TOMM70: variants seen among roughly 807,000 people sequenced by gnomAD.
The protein encoded by TOMM70 is translocase of outer mitochondrial membrane 70, also known as mitochondrial import receptor subunit TOM70.
In TOMM70, 13 loss-of-function variants were observed where a neutral mutation model predicts 73.6. The ratio of observed to expected loss-of-function variants is 0.18; its 90% CI spans 0.11 to 0.28. TOMM70 has a LOEUF of 0.28. Among genes scored for constraint, TOMM70 ranks in the 10% least tolerant of loss-of-function variants. The pLI is 1.00. For synonymous variants in TOMM70, 257 were observed against 271.2 expected, an observed-to-expected ratio of 0.95 and a Z score of 0.51; for missense variants, 609 against 747.5, an observed-to-expected ratio of 0.81 and a Z score of 2.16.
At chr3:100,388,416 T>C (rs1308996783) in intron 1 of TOMM70, among the ~76,000 whole-genome samples, 1 of 152,166 alleles carries the variant, frequency 6.6e-6, no homozygotes, top group Non-Finnish European at 1.5e-5. Context: ...GTGAGGATCT[T>C]CTATATGAGA....
At chr3:100,367,933 A>G in intron 11 of TOMM70, 111 bp downstream of exon 11, 1 of 1,182,244 alleles carries the variant, frequency 8.5e-7, no homozygotes, top group Non-Finnish European at 1.1e-6. Context: ...CGTGAATAAT[A>G]CAGGTGAAAA....
At chr3:100,390,350 C>T (rs1293863059) in intron 1 of TOMM70, among the ~76,000 whole-genome samples, 1 of 152,152 alleles carries the variant, frequency 6.6e-6, no homozygotes, top group Non-Finnish European at 1.5e-5. Context: ...TACAGTTATA[C>T]ACCACATAAC....
At chr3:100,379,609 C>T (rs2148891282) in intron 5 of TOMM70, among the ~76,000 whole-genome samples, 2 of 152,228 alleles carry the variant, frequency 1.3e-5, no homozygotes, top group Admixed American at 1.3e-4. Context: ...GCCTGAGTGA[C>T]CCCCTCTCTC....
Position 100,368,176 on chromosome 3 carries a change from C to CA in TOMM70, c.1551-11dup, listed in dbSNP as rs760364555. The CA allele has an allele frequency of 3.4e-4, 539 of 1,604,062 alleles. 1 individual carries two copies. Among genetic ancestry groups the CA allele is most frequent in the Admixed American group, 2.1e-3 (118 of 57,526 alleles). The stretch of plus-strand genomic sequence containing the variant: ...CTGAAGTTGAAGTAAACTGCAAATG[C>CA]AAAAAAATGTCAGATGTGACCATGG... On this transcript the variant is annotated splice_polypyrimidine_tract_variant and intron_variant, in intron 10 of 11. Coordinates refer to ENST00000284320, the MANE Select transcript of TOMM70 (RefSeq NM_014820.5).
Position 100,365,656 on chromosome 3 carries a change from T to A in TOMM70, c.1735A>T (p.Met579Leu). Residue 579 changes from methionine to leucine, a missense_variant, in exon 12 of 12, where the codon ATG becomes TTG. Met to Leu is a conservative substitution (Grantham distance 15, BLOSUM62 2). This residue lies in a region of TOMM70 where 432 missense variants were observed against 584.1 expected (regional missense o/e 0.74). Coordinates refer to ENST00000284320, the MANE Select transcript of TOMM70 (RefSeq NM_014820.5). ...AGTGAATACAGATGGGCCATCTCCATTTCCGATTTGGCCAGGTTAATAGCT... is the reference window on the plus strand; with the variant it reads ...AGTGAATACAGATGGGCCATCTCCAATTCCGATTTGGCCAGGTTAATAGCT... ...NKAINLAKSE[M>L]EMAHLYSLCD... is the part of the protein sequence containing the mutation. 6.2e-7 allele frequency: 1 copy of A among 1,614,252 alleles called. No homozygotes were observed. The highest frequency in any genetic ancestry group is 8.5e-7 in the Non-Finnish European group (1 of 1,180,036).
chr3:100,384,331 C>A, intron 4 of TOMM70, 148 bp downstream of exon 4: 1 of 502,086 alleles, frequency 2.0e-6, no homozygotes, highest in Non-Finnish European at 3.5e-6. Flanking sequence ...GCCATAAAAG[C>A]CAAAGATAAC....
rs1706416566 is a variant in TOMM70 at position 100,363,494 on chromosome 3, T to C, written c.*2070A>G. ...GTAATATTTATTTGGTGAATTTACA[T>C]GTGAGGTCATTTACAAAAGAAAGAT... On this transcript the variant is annotated 3_prime_UTR_variant, in exon 12 of 12. Transcript: ENST00000284320. 1.3e-5 allele frequency: 2 copies of C among 152,640 alleles called. No individual in the cohort carries two copies. The highest frequency in any genetic ancestry group is 2.1e-4 in the South Asian group (1 of 4,836). The allele number at this position is 152,640 out of a possible 1,614,324, so 9.5% of individuals were successfully genotyped here.
chr3:100,398,456 G>C (rs1411145736), intron 1 of TOMM70, among the ~76,000 whole-genome samples: 1 of 150,724 alleles, frequency 6.6e-6, no homozygotes, highest in Non-Finnish European at 1.5e-5. Flanking sequence ...ACAGAACTGA[G>C]AACTTTTTGG....
chr3:100,373,414 C>T, intron 8 of TOMM70, 124 bp downstream of exon 8: 1 of 691,726 alleles, frequency 1.4e-6, no homozygotes, highest in Non-Finnish European at 2.3e-6. Context: ...ACCTTTTTTC[C>T]TCAGTAGTTA....
chr3:100,367,098 G>C (rs1459331676), intron 11 of TOMM70, among the ~76,000 whole-genome samples: 2 of 152,176 alleles, frequency 1.3e-5, no homozygotes, highest in Non-Finnish European at 2.9e-5. Flanking sequence ...GTGCATGCCT[G>C]TAGTCCCAGC....
chr3:100,398,459 C>T (rs1345266256), intron 1 of TOMM70, among the ~76,000 whole-genome samples: 1 of 150,364 alleles, frequency 6.7e-6, no homozygotes, highest in African/African-American at 2.5e-5. Context: ...GAACTGAGAA[C>T]TTTTTGGATC....
In TOMM70 at chr3:100,365,283, G is replaced by T; in HGVS notation, c.*281C>A. 2 of 317,746 alleles carry T rather than the reference G, an allele frequency of 6.3e-6. No homozygotes were observed. The highest frequency in any genetic ancestry group is 1.2e-5 in the Non-Finnish European group (2 of 173,144). The allele number at this position is 317,746 out of a possible 1,614,324, so 19.7% of individuals were successfully genotyped here. ...AAAATCAACAAATCAGTTTTTATTT[G>T]CATGGCCAATTATCATTTGTACTCT... On this transcript the variant is annotated 3_prime_UTR_variant, in exon 12 of 12. Transcript: ENST00000284320.
intron 1 of TOMM70, among the ~76,000 whole-genome samples, chr3:100,399,141 G>A (rs942373171): frequency 4.6e-5 from 7 of 152,048 alleles, no homozygotes; most frequent in Non-Finnish European, 1.0e-4. Context: ...AATTAGCGGG[G>A]CATGGTGGCG....
intron 8 of TOMM70, among the ~76,000 whole-genome samples, chr3:100,373,196 C>T (rs904915512): frequency 6.9e-6 from 1 of 144,290 alleles, no homozygotes; most frequent in Non-Finnish European, 1.5e-5. Flanking sequence ...TATTAAGAAA[C>T]AGTTCTATGA....
rs117093781 is a variant in TOMM70 at position 100,378,732 on chromosome 3, T to C, written c.885-820A>G. On this transcript the variant is annotated intron_variant, in intron 5 of 11. Transcript: ENST00000284320. ...TTAATAACTGAACTTATTGGCTGGA[T>C]GCGGTGGCTCACGCCTGTAATCCCA... 2.4e-4 allele frequency among the ~76,000 whole-genome samples: 37 copies of C among 152,276 alleles called. No homozygotes were observed. The East Asian group carries it at 7.2e-3, about 29-fold the overall frequency.
In TOMM70 at chr3:100,363,988, G is replaced by A. The variant is rs551059671; in HGVS notation, c.*1576C>T. 4 of 152,270 alleles carry A rather than the reference G, an allele frequency of 2.6e-5. No individual in the cohort carries two copies. In the East Asian group the frequency reaches 7.7e-4, roughly 29 times the overall value. 9.4% of individuals were successfully genotyped at this position (152,270 alleles called of 1,614,324 possible). A position where few individuals can be genotyped will look rare whatever the true frequency, so the allele number is the denominator to read the frequency against. On this transcript the variant is annotated 3_prime_UTR_variant, in exon 12 of 12. Transcript: ENST00000284320. ...TTTCAACAGAATTAAGCACCCTTAA[G>A]GGGTGTAAAAATGCTCCTTTACTCC...
chr3:100,381,914 A>C, intron 4 of TOMM70, 151 bp from the exon 5 acceptor site: 1 of 760,300 alleles, frequency 1.3e-6, no homozygotes, highest in African/African-American at 1.8e-5. Flanking sequence ...AACAAAAGAC[A>C]GTGGAAAAGG....
Position 100,401,069 on chromosome 3 carries a change from A to C in TOMM70, c.-120T>G. ...ATGAGCGAGCGAGCACGCTAGGCAG[A>C]GAGAGCGGACGACAGAAAAGGGCCA... On this transcript the variant is annotated 5_prime_UTR_variant, in exon 1 of 12. Transcript: ENST00000284320. The C allele has an allele frequency of 8.8e-7, 1 of 1,133,174 alleles. No homozygotes were observed. Among genetic ancestry groups the C allele is most frequent in the Admixed American group, 2.3e-5 (1 of 44,036 alleles). The allele number at this position is 1,133,174 out of a possible 1,614,324, so 70.2% of individuals were successfully genotyped here. A position where few individuals can be genotyped will look rare whatever the true frequency, so the allele number is the denominator to read the frequency against.
intron 1 of TOMM70, among the ~76,000 whole-genome samples, chr3:100,395,780 G>A (rs893930220): frequency 2.0e-5 from 3 of 152,078 alleles, no homozygotes; most frequent in Non-Finnish European, 4.4e-5. Context: ...ATTAGGTTCT[G>A]GCAATACAAT....
Sources: gnomAD v4.1 joint callset for allele counts (sites outside exome capture counted in the v4.1 genomes callset) on GRCh38, gnomAD v4.1.1 for gene constraint, gnomAD v4.1.1 regional missense constraint, MANE v1.5 for transcripts, NCBI Gene and HGNC (gene_info 2026-07-23, HGNC 2026-07-21) for gene names.